The following RGS6 variants were observed in gnomAD, a reference collection of about 807,000 sequenced individuals.
RGS6 encodes the protein regulator of G protein signaling 6.
RGS6 carries 30 observed loss-of-function variants against 78.5 expected under a neutral mutation model. That is an observed-to-expected ratio of 0.38 (90% CI 0.29 to 0.52). The LOEUF (loss-of-function observed/expected upper bound fraction) is 0.52. Ranked by LOEUF, RGS6 falls within the 20% of genes least tolerant of loss-of-function variation. The pLI, the probability that RGS6 is intolerant of heterozygous loss-of-function variation, is 0.85. For synonymous variants in RGS6, 206 were observed against 206.0 expected (o/e 1.00, Z 0.00); for missense variants, 495 against 609.7 (o/e 0.81, Z 1.98).
At chr14:72,390,683 T>G (rs1034216440) in intron 3 of RGS6, among the ~76,000 whole-genome samples, 1 of 152,176 alleles carries the variant, frequency 6.6e-6, no homozygotes, top group African/African-American at 2.4e-5. Context: ...TTACCATGAT[T>G]GCTGCCAGAA....
the RGS6 span, among the ~76,000 whole-genome samples, chr14:71,914,324 A>T: frequency 6.6e-6 from 1 of 152,332 alleles, no homozygotes; most frequent in South Asian, 2.1e-4. Context: ...AATCTCTGGC[A>T]GTGGAAATGA....
chr14:72,027,353 G>A (rs902593783), intron 2 of RGS6, among the ~76,000 whole-genome samples: 3 of 152,136 alleles, frequency 2.0e-5, no homozygotes, highest in Admixed American at 6.6e-5. Flanking sequence ...ATACCTTACT[G>A]TATATCTATA....
chr14:72,524,344 C>CTG (rs1218885764), intron 15 of RGS6, among the ~76,000 whole-genome samples: 1 of 152,214 alleles, frequency 6.6e-6, no homozygotes, highest in Non-Finnish European at 1.5e-5. Flanking sequence ...GCATAGTAGG[C>CTG]TGGAGCCAAG....
At chr14:71,869,852 T>G in the RGS6 span, among the ~76,000 whole-genome samples, 12,150 of 152,116 alleles carry the variant, frequency 0.08, 1,125 homozygotes, top group African/African-American at 0.21. Context: ...GTGGGATTGG[T>G]GTTGTTATAA....
intron 12 of RGS6, among the ~76,000 whole-genome samples, chr14:72,488,710 G>A (rs1255069928): frequency 6.6e-6 from 1 of 152,138 alleles, no homozygotes; most frequent in Non-Finnish European, 1.5e-5. Context: ...ACCAGGTGCT[G>A]GCTGAACTCT....
At chr14:72,510,078 G>C in intron 13 of RGS6, 76 bp from the exon 14 acceptor site, 1 of 1,470,742 alleles carries the variant, frequency 6.8e-7, no homozygotes, top group Non-Finnish European at 9.1e-7. Flanking sequence ...AAACAGACTT[G>C]AGTCACTGAA....
intron 1 of RGS6, among the ~76,000 whole-genome samples, chr14:71,950,986 G>A (rs1179434353): frequency 1.3e-5 from 2 of 152,116 alleles, no homozygotes; most frequent in African/African-American, 4.8e-5. Flanking sequence ...AACCATTGTG[G>A]AAGACAGTGT....
chr14:71,900,892 G>A, the RGS6 span, among the ~76,000 whole-genome samples: 1 of 152,104 alleles, frequency 6.6e-6, no homozygotes, highest in Non-Finnish European at 1.5e-5. Flanking sequence ...GAGCCGACCT[G>A]TCATATGGTG....
intron 17 of RGS6, among the ~76,000 whole-genome samples, chr14:72,559,579 G>T (rs138011945): frequency 6.6e-6 from 1 of 152,188 alleles, no homozygotes; most frequent in Admixed American, 6.5e-5. Context: ...TGGTAAATGC[G>T]CGAAAGCAGG....
At chr14:72,419,976 A>G (rs2094080849) in intron 3 of RGS6, among the ~76,000 whole-genome samples, 1 of 152,250 alleles carries the variant, frequency 6.6e-6, no homozygotes, top group African/African-American at 2.4e-5. Flanking sequence ...TGGGAAGGCC[A>G]GGAAGGCTGT....
At chr14:72,522,090 A>G (rs2097052045) in intron 15 of RGS6, among the ~76,000 whole-genome samples, 1 of 152,212 alleles carries the variant, frequency 6.6e-6, no homozygotes, top group Admixed American at 6.5e-5. Context: ...AATAGCACAC[A>G]CTGGGTGGCT....
chr14:71,936,028 A>ATATATATATATATATATATATATG (rs2089181026), intron 1 of RGS6, among the ~76,000 whole-genome samples: 1 of 139,762 alleles, frequency 7.2e-6, no homozygotes, highest in East Asian at 2.0e-4. Context: ...ATATATATAT[A>ATATATATATATATATATATATATG]TATATATATA....
intron 13 of RGS6, among the ~76,000 whole-genome samples, chr14:72,505,826 T>C (rs28431303): frequency 0.014 from 2,072 of 152,320 alleles, 43 homozygotes; most frequent in African/African-American, 0.047. Context: ...TTACACCATG[T>C]GTAGCACTAT....
At chr14:72,595,428 A>T in the RGS6 span, among the ~76,000 whole-genome samples, 1 of 151,678 alleles carries the variant, frequency 6.6e-6, no homozygotes, top group Non-Finnish European at 1.5e-5. Context: ...AAAGGCACTG[A>T]CTAAATCATT....
At chr14:72,601,059 G>A in the RGS6 span, among the ~76,000 whole-genome samples, 1 of 149,892 alleles carries the variant, frequency 6.7e-6, no homozygotes, top group African/African-American at 2.4e-5. Context: ...GGAAGAGGAG[G>A]AGGAGGGGGA....
chr14:72,343,022 G>T (rs571300307), intron 2 of RGS6, among the ~76,000 whole-genome samples: 4 of 152,208 alleles, frequency 2.6e-5, no homozygotes, highest in Non-Finnish European at 5.9e-5. Context: ...ATACTAATCT[G>T]TTTTGGAGAC....
rs1057507662 is a variant in RGS6 at position 72,549,755 on chromosome 14, G to A, written c.1422+9661G>A. The stretch of plus-strand genomic sequence containing the variant: ...CACATGCCTATAATCCCAGCTACTC[G>A]GGAGGCTGAGGCAGGAGGATCACTA... On this transcript the variant is annotated intron_variant, in intron 17 of 17. Transcript: ENST00000553525. Among the ~76,000 whole-genome samples, 17 of 152,140 alleles carry A rather than the reference G, an allele frequency of 1.1e-4. No homozygotes were observed. The East Asian group carries it at 1.7e-3, about 16-fold the overall frequency.
At chr14:72,279,906 A>G in intron 2 of RGS6, among the ~76,000 whole-genome samples, 1 of 152,230 alleles carries the variant, frequency 6.6e-6, no homozygotes, top group East Asian at 1.9e-4. Flanking sequence ...ATGTGGAGCC[A>G]GCTAAAAAGT....
chr14:71,948,912 T>C (rs1331433234), intron 1 of RGS6, among the ~76,000 whole-genome samples: 2 of 151,668 alleles, frequency 1.3e-5, no homozygotes, highest in African/African-American at 4.9e-5. Context: ...ATGAAATAAA[T>C]ATGAAATCAT....
Sources: allele counts gnomAD v4.1 joint callset (sites outside exome capture counted in the v4.1 genomes callset), GRCh38; gene constraint gnomAD v4.1.1; transcripts MANE v1.5; gene names NCBI Gene and HGNC (gene_info 2026-07-23, HGNC 2026-07-21).